The following LRRIQ3 variants were observed in gnomAD, a reference collection of about 807,000 sequenced individuals.
The protein encoded by LRRIQ3 is leucine rich repeats and IQ motif containing 3.
LRRIQ3 carries 75 observed loss-of-function variants against 59.3 expected under a neutral mutation model. The observed-to-expected ratio is 1.26, with a 90% CI of 1.05 to 1.53. The LOEUF is 1.53. Among genes scored for constraint, LRRIQ3 ranks in the 40% most tolerant of loss-of-function variants. The probability of loss-of-function intolerance (pLI) is 0.00; values close to 1 mark genes in which losing one functional copy is unlikely to be tolerated. For missense variants in LRRIQ3, 831 were observed against 710.0 expected, an observed-to-expected ratio of 1.17 and a Z score of -1.94; for synonymous variants, 250 against 231.3, an observed-to-expected ratio of 1.08 and a Z score of -0.73.
intron 6 of LRRIQ3, among the ~76,000 whole-genome samples, chr1:74,058,431 C>G (rs1310729465): frequency 1.3e-5 from 2 of 151,498 alleles, no homozygotes; most frequent in African/African-American, 4.8e-5. Context: ...CATGGATGAG[C>G]TTGGAGAATG....
chr1:74,171,622 C>T (rs945829011), intron 3 of LRRIQ3, among the ~76,000 whole-genome samples: 8 of 152,026 alleles, frequency 5.3e-5, no homozygotes, highest in African/African-American at 1.9e-4. Flanking sequence ...GTTGTTTTTG[C>T]CTGGCTTTGG....
At chr1:74,075,498 C>T (rs927630469) in intron 5 of LRRIQ3, among the ~76,000 whole-genome samples, 14 of 151,368 alleles carry the variant, frequency 9.2e-5, no homozygotes, top group Non-Finnish European at 1.8e-4. Context: ...ACCCAGCAGG[C>T]GGACATTGCA....
chr1:74,136,297 A>G (rs550893761), intron 4 of LRRIQ3, among the ~76,000 whole-genome samples: 1 of 152,114 alleles, frequency 6.6e-6, no homozygotes, highest in South Asian at 2.1e-4. Context: ...GAATTTTACT[A>G]AACATTTAAG....
intron 6 of LRRIQ3, among the ~76,000 whole-genome samples, chr1:74,059,685 C>A (rs946854559): frequency 2.6e-5 from 4 of 151,910 alleles, no homozygotes; most frequent in African/African-American, 9.7e-5. Context: ...TTGGAAATCC[C>A]CTACATTCTA....
intron 4 of LRRIQ3, among the ~76,000 whole-genome samples, chr1:74,150,410 C>T (rs149318992): frequency 2.0e-5 from 3 of 152,046 alleles, no homozygotes; most frequent in African/African-American, 4.8e-5. Context: ...TTTTAATTAT[C>T]AAATTTACTA....
intron 4 of LRRIQ3, among the ~76,000 whole-genome samples, chr1:74,136,035 TAAA>T (rs1051451571): frequency 6.6e-6 from 1 of 151,144 alleles, no homozygotes; most frequent in South Asian, 2.1e-4. Context: ...ATTACGAAAA[TAAA>T]AAAGAGACCA....
intron 7 of LRRIQ3, among the ~76,000 whole-genome samples, chr1:74,036,319 G>A (rs1018461898): frequency 1.3e-5 from 2 of 152,052 alleles, no homozygotes; most frequent in African/African-American, 4.8e-5. Flanking sequence ...AGGCCAAGAA[G>A]AATCTGAACA....
intron 3 of LRRIQ3, among the ~76,000 whole-genome samples, chr1:74,160,715 T>C (rs1648611061): frequency 6.6e-6 from 1 of 152,086 alleles, no homozygotes; most frequent in African/African-American, 2.4e-5. Flanking sequence ...TGGCTGAGTC[T>C]AAGTTCTTTT....
intron 4 of LRRIQ3, among the ~76,000 whole-genome samples, chr1:74,152,270 C>T (rs1316152468): frequency 6.6e-6 from 1 of 151,460 alleles, no homozygotes; most frequent in Non-Finnish European, 1.5e-5. Flanking sequence ...CAAAAAATTT[C>T]CTAAGTGAAA....
chr1:74,041,286 T>C lies in LRRIQ3; in HGVS notation c.1645A>G (p.Ser549Gly). Residue 549 changes from serine (S) to glycine (G), a missense_variant, in exon 7 of 8, where the codon AGC becomes GGC. By Grantham distance (56) the Ser-to-Gly change is moderately conservative (BLOSUM62 0). Transcript: ENST00000354431. ...TTTAGTTTTTGCTTAACAATCAGGC[T>C]TTTCTCTTTTAGGACAGCCTCATTC... ...EKNEAVLKEK[S>G]LIVKQKLKAE... is the part of the protein sequence containing the mutation. The C allele has an allele frequency of 6.2e-7, 1 of 1,609,352 alleles. No individual in the cohort carries two copies. The highest frequency in any genetic ancestry group is 8.5e-7 in the Non-Finnish European group (1 of 1,178,992).
chr1:74,120,246 T>C (rs772245779), intron 4 of LRRIQ3, among the ~76,000 whole-genome samples: 36 of 151,858 alleles, frequency 2.4e-4, no homozygotes, highest in Non-Finnish European at 4.4e-4. Flanking sequence ...GCCTCCTGAG[T>C]AGCTGGAATT....
chr1:74,046,029 T>G (rs577886263), intron 6 of LRRIQ3, among the ~76,000 whole-genome samples: 126 of 152,268 alleles, frequency 8.3e-4, no homozygotes, highest in African/African-American at 2.9e-3. Context: ...ATGGCCACAC[T>G]GCCCAAAGCA....
chr1:74,075,059 A>T (rs1646187719), intron 5 of LRRIQ3, among the ~76,000 whole-genome samples: 1 of 152,088 alleles, frequency 6.6e-6, no homozygotes, highest in African/African-American at 2.4e-5. Context: ...AAGTGCTGTG[A>T]CAAAAGGAAC....
Position 74,026,140 on chromosome 1 carries a change from G to T in LRRIQ3, c.*673C>A, listed in dbSNP as rs746154743. 1 of 151,844 alleles carries T rather than the reference G, an allele frequency of 6.6e-6. No individual in the cohort carries two copies. The highest frequency in any genetic ancestry group is 1.5e-5 in the Non-Finnish European group (1 of 67,892). The allele number at this position is 151,844 out of a possible 1,614,324, so 9.4% of individuals were successfully genotyped here. A position where few individuals can be genotyped will look rare whatever the true frequency, so the allele number is the denominator to read the frequency against. On this transcript the variant is annotated 3_prime_UTR_variant, in exon 8 of 8. Coordinates refer to ENST00000354431, the MANE Select transcript of LRRIQ3 (RefSeq NM_001105659.2). ...ATTCCAATATATAATTATATGGGTT[G>T]TCTCTTGCTTCTCTCCTCTGTCTTT...
chr1:74,139,056 GTA>G lies in LRRIQ3; in HGVS notation c.707+16675_707+16676del, dbSNP rs561362591. 2.5e-3 allele frequency among the ~76,000 whole-genome samples: 359 copies of G among 144,048 alleles called. 1 individual carries two copies. Among genetic ancestry groups the G allele is most frequent in the East Asian group, 0.021 (105 of 4,912 alleles). 94.5% of individuals were successfully genotyped at this position (144,048 alleles called of 152,430 possible). A position where few individuals can be genotyped will look rare whatever the true frequency, so the allele number is the denominator to read the frequency against. ...ACAAACACAAAAAATGTATTTATGT[GTA>G]TATATATATATATACACATATATGT... On this transcript the variant is annotated intron_variant, in intron 4 of 7. Transcript: ENST00000354431.
intron 5 of LRRIQ3, among the ~76,000 whole-genome samples, chr1:74,077,943 T>G (rs1646228334): frequency 6.6e-6 from 1 of 152,004 alleles, no homozygotes; most frequent in Non-Finnish European, 1.5e-5. Flanking sequence ...GAAAGTATAT[T>G]TGATTAACTA....
chr1:74,159,754 A>T (rs1648553966), intron 3 of LRRIQ3, among the ~76,000 whole-genome samples: 1 of 152,100 alleles, frequency 6.6e-6, no homozygotes, highest in Admixed American at 6.6e-5. Flanking sequence ...TATAAAATAA[A>T]CTTCCAATTC....
chr1:74,186,951 G>GC (rs1557661186), intron 1 of LRRIQ3, among the ~76,000 whole-genome samples: 2 of 150,574 alleles, frequency 1.3e-5, no homozygotes, highest in African/African-American at 4.9e-5. Flanking sequence ...TTATAAGCAA[G>GC]AAAAAAAATC....
intron 6 of LRRIQ3, among the ~76,000 whole-genome samples, chr1:74,052,813 C>A (rs1654407947): frequency 1.3e-5 from 2 of 151,992 alleles, no homozygotes; most frequent in African/African-American, 4.8e-5. Context: ...TATCTGACTT[C>A]TTTAAAACAA....
Sources: allele counts gnomAD v4.1 joint callset (sites outside exome capture counted in the v4.1 genomes callset), GRCh38; gene constraint gnomAD v4.1.1; transcripts MANE v1.5; gene names NCBI Gene and HGNC (gene_info 2026-07-23, HGNC 2026-07-21).